Variants in MCTS1 observed in about 807,000 individuals in gnomAD.
MCTS1 encodes the protein malignant T-cell-amplified sequence 1.
For missense variants in MCTS1, 55 were observed against 128.6 expected (o/e 0.43, Z 2.77); for synonymous variants, 26 against 40.8 (o/e 0.64, Z 1.38).
chrX:120,611,862 T>G (rs193225343), intron 5 of MCTS1, among the ~76,000 whole-genome samples: 26 of 112,410 alleles, frequency 2.3e-4, no homozygotes, highest in African/African-American at 8.4e-4. Flanking sequence ...TTTAAAAATT[T>G]TAGAACCCAT....
At chrX:120,604,582 T>G (rs2147371315) in intron 1 of MCTS1, 1 of 755,359 alleles carries the variant, frequency 1.3e-6, no homozygotes, top group South Asian at 4.4e-5. Flanking sequence ...TCTCTGTAGC[T>G]GAGAGGGGAG....
chrX:120,604,396 C>G (rs1352770497), intron 1 of MCTS1, 149 bp downstream of exon 1: 1 of 732,563 alleles, frequency 1.4e-6, no homozygotes, highest in African/African-American at 2.2e-5. Flanking sequence ...TGCTCTCACT[C>G]CCAACTTGAA....
intron 5 of MCTS1, 60 bp downstream of exon 5, chrX:120,611,138 T>A (rs1041069888): frequency 9.5e-7 from 1 of 1,052,043 alleles, no homozygotes; most frequent in South Asian, 1.9e-5. Flanking sequence ...CCAGGAAGCA[T>A]CAGAATTACA....
In MCTS1 at chrX:120,615,935, A is replaced by G. The variant is rs1250527258; in HGVS notation, c.*3671A>G. On this transcript the variant is annotated 3_prime_UTR_variant, in exon 6 of 6. Transcript: ENST00000371317. ...GGTTATATGGCATATATCAAATAAT[A>G]ATGATATCCAGCCAGGTTCCCTGTC... 1.8e-5 allele frequency among the ~76,000 whole-genome samples: 2 copies of G among 112,742 alleles called. No individual in the cohort carries two copies. The highest frequency in any genetic ancestry group is 3.7e-5 in the Non-Finnish European group (2 of 53,381).
rs1208266588 is a variant in MCTS1, at chrX:120,612,735, AAAAC to A, written c.*472_*475del. On this transcript the variant is annotated 3_prime_UTR_variant, in exon 6 of 6. Transcript: ENST00000371317. ...TGTTTTGTTGATTGTTTTTTTAAAA[AAAAC>A]TTCAATGGAAAATTCTAAACATATT... Among the ~76,000 whole-genome samples the A allele has an allele frequency of 9.3e-6, 1 of 107,919 alleles. No individual in the cohort carries two copies. Among genetic ancestry groups the A allele is most frequent in the East Asian group, 2.9e-4 (1 of 3,460 alleles). The allele number at this position is 107,919 out of a possible 115,157, so 93.7% of individuals were successfully genotyped here.
chrX:120,607,410 AGAACTTATC>A (rs1926570467), intron 3 of MCTS1, among the ~76,000 whole-genome samples: 1 of 111,671 alleles, frequency 9.0e-6, no homozygotes, highest in African/African-American at 3.2e-5. Context: ...CTCGAATACT[AGAACTTATC>A]GACCTGTATT....
rs972333917 is a variant in MCTS1 at position 120,613,740 on chromosome X, T to C, written c.*1476T>C. On this transcript the variant is annotated 3_prime_UTR_variant, in exon 6 of 6. Coordinates refer to ENST00000371317, the MANE Select transcript of MCTS1 (RefSeq NM_014060.3). ...TAGTGCCTTCTTTTGAGTAAAGTCATACCAAACAGATGCCCAGAACATCTG... is the reference window on the plus strand; with the variant it reads ...TAGTGCCTTCTTTTGAGTAAAGTCACACCAAACAGATGCCCAGAACATCTG... Among the ~76,000 whole-genome samples, 7 of 111,887 alleles carry C rather than the reference T, an allele frequency of 6.3e-5. No homozygotes were observed. The highest frequency in any genetic ancestry group is 5.7e-4 in the Admixed American group (6 of 10,471).
At chrX:120,610,762 A>G in intron 4 of MCTS1, 1 of 307,157 alleles carries the variant, frequency 3.3e-6, no homozygotes. Flanking sequence ...GCATGGGGTT[A>G]TAGTATTAAC....
chrX:120,605,732 T>A (rs746906947), intron 2 of MCTS1, among the ~76,000 whole-genome samples, 173 bp downstream of exon 2: 9 of 112,504 alleles, frequency 8.0e-5, no homozygotes, highest in African/African-American at 2.9e-4. Context: ...ATTTTCTATG[T>A]CCCTGAAAAA....
intron 5 of MCTS1, among the ~76,000 whole-genome samples, chrX:120,611,954 A>C (rs1394164668): frequency 8.9e-6 from 1 of 111,835 alleles, no homozygotes; most frequent in African/African-American, 3.3e-5. Context: ...TGACATTGTT[A>C]CTCTGGTTCT....
At chrX:120,609,391 C>G (rs1926624491) in intron 4 of MCTS1, among the ~76,000 whole-genome samples, 1 of 111,055 alleles carries the variant, frequency 9.0e-6, no homozygotes, top group African/African-American at 3.3e-5. Context: ...CCATGTTGGT[C>G]AGGCTAGTCT....
intron 4 of MCTS1, among the ~76,000 whole-genome samples, chrX:120,609,506 G>GA (rs965572391): frequency 1.2e-4 from 13 of 108,926 alleles, no homozygotes; most frequent in Admixed American, 2.0e-4. Flanking sequence ...AGAAGAATAA[G>GA]AAAAAAAAAT....
At position 120,616,218 on chromosome X, in the gene MCTS1, A is replaced by G. The variant is rs1344069643; in HGVS notation, c.*3954A>G. On this transcript the variant is annotated 3_prime_UTR_variant, in exon 6 of 6. Transcript: ENST00000371317. ...AAGGCTCTTCAAGAAACTCAAAATG[A>G]TTCTAATTTCTAAGTAGTATGCATT... Among the ~76,000 whole-genome samples, 1 of 111,947 alleles carries G rather than the reference A, an allele frequency of 8.9e-6. No homozygotes were observed. The highest frequency in any genetic ancestry group is 3.2e-5 in the African/African-American group (1 of 31,040).
chrX:120,604,695 C>T (rs1926486375), intron 1 of MCTS1: 2 of 1,035,757 alleles, frequency 1.9e-6, no homozygotes, highest in East Asian at 3.7e-5. Flanking sequence ...AGGAAGCAAG[C>T]GGCCTGTCAT....
chrX:120,604,431 A>G, intron 1 of MCTS1, 184 bp downstream of exon 1: 1 of 606,107 alleles, frequency 1.6e-6, no homozygotes, highest in Non-Finnish European at 2.4e-6. Context: ...TTCCATCCGT[A>G]GTCCTTAATT....
chrX:120,611,370 A>T, intron 5 of MCTS1: 1 of 197,351 alleles, frequency 5.1e-6, no homozygotes, highest in Non-Finnish European at 9.2e-6. Flanking sequence ...AAATTGGGGG[A>T]GGAGGGAAGA....
intron 5 of MCTS1, 90 bp from the exon 6 acceptor site, chrX:120,612,093 A>T (rs1926699472): frequency 1.4e-6 from 1 of 698,665 alleles, no homozygotes; most frequent in Admixed American, 3.0e-5. Flanking sequence ...AATAATTAAA[A>T]AATAACAATA....
Position 120,616,887 on chromosome X carries a change from T to C in MCTS1, c.*4623T>C, listed in dbSNP as rs1926870596. 8.9e-6 allele frequency among the ~76,000 whole-genome samples: 1 copy of C among 112,270 alleles called. No homozygotes were observed. Among genetic ancestry groups the C allele is most frequent in the African/African-American group, 3.2e-5 (1 of 30,959 alleles). On this transcript the variant is annotated 3_prime_UTR_variant, in exon 6 of 6. Transcript: ENST00000371317. ...GTCCAATTCTAATTAATGGATTGTT[T>C]TAGAAATGTATTTGTGAAATATAGC...
chrX:120,611,136 C>T, intron 5 of MCTS1, 58 bp downstream of exon 5: 2 of 1,058,534 alleles, frequency 1.9e-6, no homozygotes, highest in East Asian at 3.0e-5. Flanking sequence ...ACCCAGGAAG[C>T]ATCAGAATTA....
Sources: allele counts gnomAD v4.1 joint callset (sites outside exome capture counted in the v4.1 genomes callset), GRCh38; gene constraint gnomAD v4.1.1; transcripts MANE v1.5; gene names NCBI Gene and HGNC (gene_info 2026-07-23, HGNC 2026-07-21).